The following CCDC138 variants were observed in gnomAD, a reference collection of about 807,000 sequenced individuals.
CCDC138 encodes the protein coiled-coil domain containing 138, also known as coiled-coil domain-containing protein 138.
A neutral mutation model predicts 82.3 loss-of-function variants in CCDC138; 66 were observed. That is an observed-to-expected ratio of 0.80 (90% CI 0.66 to 0.98). CCDC138 has a LOEUF of 0.98. Among genes scored for constraint, CCDC138 ranks in the 50% least tolerant of loss-of-function variants. The pLI is 0.00. For missense variants in CCDC138, 816 were observed against 758.9 expected, an observed-to-expected ratio of 1.08 and a Z score of -0.88; for synonymous variants, 297 against 265.4, an observed-to-expected ratio of 1.12 and a Z score of -1.16.
intron 12 of CCDC138, among the ~76,000 whole-genome samples, chr2:108,848,843 A>G (rs1454036900): frequency 1.3e-5 from 2 of 152,204 alleles, no homozygotes; most frequent in Non-Finnish European, 1.5e-5. Context: ...GGCACTTCAT[A>G]TTATGTATTG....
intron 13 of CCDC138, among the ~76,000 whole-genome samples, chr2:108,863,827 G>C (rs1461546703): frequency 6.6e-6 from 1 of 152,192 alleles, no homozygotes; most frequent in Non-Finnish European, 1.5e-5. Context: ...GGGACCTAAT[G>C]AACTAACAGT....
intron 4 of CCDC138, 45 bp from the exon 5 acceptor site, chr2:108,794,495 A>G (rs764210071): frequency 2.0e-6 from 3 of 1,521,004 alleles, no homozygotes; most frequent in Admixed American, 2.0e-5. Flanking sequence ...TATTTGAAAC[A>G]ATAAGTTAAT....
At chr2:108,833,444 GTAGAGA>G (rs1467071009) in intron 10 of CCDC138, among the ~76,000 whole-genome samples, 1 of 152,216 alleles carries the variant, frequency 6.6e-6, no homozygotes, top group East Asian at 1.9e-4. Flanking sequence ...TAAACAGGAA[GTAGAGA>G]TAGAGTAGGC....
intron 11 of CCDC138, among the ~76,000 whole-genome samples, chr2:108,841,515 ATTT>A (rs1689478373): frequency 6.6e-6 from 1 of 152,006 alleles, no homozygotes; most frequent in African/African-American, 2.4e-5. Context: ...ATCTCTGAAC[ATTT>A]GCATTGCCTC....
chr2:108,803,081 A>T (rs534574068), intron 6 of CCDC138, among the ~76,000 whole-genome samples: 1 of 152,324 alleles, frequency 6.6e-6, no homozygotes, highest in Non-Finnish European at 1.5e-5. Flanking sequence ...TAAAATCCTA[A>T]TGCATTTCTC....
intron 12 of CCDC138, among the ~76,000 whole-genome samples, chr2:108,855,627 T>C (rs1187662932): frequency 6.6e-6 from 1 of 152,216 alleles, no homozygotes; most frequent in Non-Finnish European, 1.5e-5. Context: ...TTGGTGTTCC[T>C]TGAACTAAAT....
intron 7 of CCDC138, among the ~76,000 whole-genome samples, chr2:108,807,969 A>G (rs771550768): frequency 6.6e-6 from 1 of 152,000 alleles, no homozygotes; most frequent in African/African-American, 2.4e-5. Flanking sequence ...CTTCCTTTCC[A>G]CAGCCATCCC....
At chr2:108,802,482 A>C (rs1320465384) in intron 6 of CCDC138, among the ~76,000 whole-genome samples, 12 of 144,528 alleles carry the variant, frequency 8.3e-5, no homozygotes, top group Non-Finnish European at 1.3e-4. Flanking sequence ...TTGATTTTGT[A>C]TCCTGAGACT....
chr2:108,818,923 G>C (rs1157238788), intron 10 of CCDC138, among the ~76,000 whole-genome samples: 6 of 151,882 alleles, frequency 4.0e-5, no homozygotes, highest in Admixed American at 3.3e-4. Context: ...GATATACTGG[G>C]TATACCTTAT....
chr2:108,803,170 A>G (rs1055945398), intron 6 of CCDC138, among the ~76,000 whole-genome samples: 1 of 152,222 alleles, frequency 6.6e-6, no homozygotes, highest in Non-Finnish European at 1.5e-5. Context: ...CTTAGGTAAT[A>G]GTTTTAAACT....
intron 10 of CCDC138, among the ~76,000 whole-genome samples, chr2:108,825,753 A>G (rs1334499286): frequency 2.6e-5 from 4 of 152,162 alleles, no homozygotes; most frequent in African/African-American, 7.2e-5. Context: ...TGGTGTTGCT[A>G]TGAACATTTA....
chr2:108,842,330 C>T (rs1383069595), intron 11 of CCDC138, among the ~76,000 whole-genome samples: 3 of 151,972 alleles, frequency 2.0e-5, no homozygotes, highest in Non-Finnish European at 4.4e-5. Context: ...TGAGCCAACC[C>T]ATCTGGCTGA....
At chr2:108,843,781 C>T (rs1214086155) in intron 11 of CCDC138, among the ~76,000 whole-genome samples, 1 of 148,106 alleles carries the variant, frequency 6.8e-6, no homozygotes, top group East Asian at 2.0e-4. Flanking sequence ...TTTCTTCAGT[C>T]TCTGGGCACG....
intron 10 of CCDC138, among the ~76,000 whole-genome samples, chr2:108,828,167 A>G (rs1686957324): frequency 6.6e-6 from 1 of 152,202 alleles, no homozygotes. Context: ...ACCAAAATAT[A>G]TTGTAGATAA....
At position 108,794,672 on chromosome 2, in the gene CCDC138, A is replaced by C. The variant is rs1400953972; in HGVS notation, c.527A>C (p.Gln176Pro). The change falls in exon 5 of 15, where the codon CAG becomes CCG. Residue 176 changes from glutamine to proline, a missense_variant. Physicochemically the swap from Gln to Pro is moderately conservative, Grantham distance 76. Coordinates refer to ENST00000295124, the MANE Select transcript of CCDC138 (RefSeq NM_144978.3). ...ASDKRSLLPH[Q>P]ISQIYDELFQ... The stretch of plus-strand genomic sequence containing the variant: ...GACAAGCGGAGTTTACTTCCACATC[A>C]GATCAGTCAGATATATGACGAATTA... 1 of 1,614,110 alleles carries C rather than the reference A, an allele frequency of 6.2e-7. No homozygotes were observed.
At chr2:108,792,749 A>G (rs766289891) in intron 4 of CCDC138, among the ~76,000 whole-genome samples, 13 of 152,220 alleles carry the variant, frequency 8.5e-5, no homozygotes, top group Non-Finnish European at 1.6e-4. Context: ...TGGGGCTTCC[A>G]TGAGTCTAGT....
intron 2 of CCDC138, chr2:108,884,761 AG>A (rs1696382008): frequency 6.6e-6 from 1 of 152,152 alleles, no homozygotes; most frequent in African/African-American, 2.4e-5. Context: ...CAGCTGGGAA[AG>A]GCCACTTGAC....
chr2:108,786,879 A>AAGCCGCTACGGACTCGGGGGC lies in CCDC138; in HGVS notation c.61_81dup (p.Arg21_Ser27dup), dbSNP rs1678869939. On this transcript the variant is annotated inframe_insertion, in exon 1 of 15. Coordinates refer to ENST00000295124, the MANE Select transcript of CCDC138 (RefSeq NM_144978.3). The stretch of plus-strand genomic sequence containing the variant: ...AGGATTTAGTAGTGGAGAGTCTCAA[A>AAGCCGCTACGGACTCGGGGGC]AGCCGCTACGGACTCGGGGGCAGCT... The AAGCCGCTACGGACTCGGGGGC allele has an allele frequency of 6.4e-7, 1 of 1,572,744 alleles. No individual in the cohort carries two copies. Among genetic ancestry groups the AAGCCGCTACGGACTCGGGGGC allele is most frequent in the African/African-American group, 1.4e-5 (1 of 71,780 alleles).
chr2:108,869,950 A>G (rs543793778), intron 13 of CCDC138, among the ~76,000 whole-genome samples: 5 of 152,238 alleles, frequency 3.3e-5, no homozygotes, highest in Non-Finnish European at 7.3e-5. Flanking sequence ...TTCAGAAACT[A>G]TCCTGTAAAG....
Sources: gnomAD v4.1 joint callset for allele counts (sites outside exome capture counted in the v4.1 genomes callset) on GRCh38, gnomAD v4.1.1 for gene constraint, MANE v1.5 for transcripts, NCBI Gene and HGNC (gene_info 2026-07-23, HGNC 2026-07-21) for gene names.